NCKAP5: variants seen among roughly 807,000 people sequenced by gnomAD.
NCKAP5 encodes NCK associated protein 5.
A neutral mutation model predicts 167.0 loss-of-function variants in NCKAP5; 92 were observed. That is an observed-to-expected ratio of 0.55 (90% CI 0.47 to 0.66). The LOEUF (loss-of-function observed/expected upper bound fraction) is 0.66, where lower values mean the gene tolerates loss of function less well. NCKAP5 is among the 30% of genes least tolerant of loss of function. NCKAP5 has a pLI of 0.00. For missense variants in NCKAP5, 2,378 were observed against 2,315.0 expected, an observed-to-expected ratio of 1.03 and a Z score of -0.56; for synonymous variants, 891 against 877.4, an observed-to-expected ratio of 1.02 and a Z score of -0.27.
chr2:133,015,492 C>T (rs111593538), intron 6 of NCKAP5, among the ~76,000 whole-genome samples: 73 of 152,260 alleles, frequency 4.8e-4, no homozygotes, highest in African/African-American at 1.6e-3. Flanking sequence ...CTTGATCACA[C>T]GGCTCTGATC....
intron 11 of NCKAP5, among the ~76,000 whole-genome samples, chr2:132,839,951 T>C (rs561122138): frequency 6.6e-6 from 1 of 152,256 alleles, no homozygotes; most frequent in East Asian, 1.9e-4. Flanking sequence ...ATATTTACAG[T>C]AGCGTACTGT....
intron 8 of NCKAP5, among the ~76,000 whole-genome samples, chr2:132,900,887 G>C (rs1014283705): frequency 6.7e-6 from 1 of 149,788 alleles, no homozygotes; most frequent in Admixed American, 6.7e-5. Context: ...GTGAACCCAG[G>C]AGGTGGAGGT....
At chr2:132,828,091 A>G (rs182169189) in intron 11 of NCKAP5, among the ~76,000 whole-genome samples, 151 of 152,314 alleles carry the variant, frequency 9.9e-4, no homozygotes, top group African/African-American at 3.4e-3. Context: ...AAATGGAGAC[A>G]CTTCAGGTAA....
intron 4 of NCKAP5, among the ~76,000 whole-genome samples, chr2:133,261,454 A>T (rs1183095533): frequency 6.6e-6 from 1 of 152,216 alleles, no homozygotes; most frequent in East Asian, 1.9e-4. Flanking sequence ...TGTCTTTGAA[A>T]AGGTCCAAAG....
chr2:132,943,593 T>C (rs565529937), intron 8 of NCKAP5, among the ~76,000 whole-genome samples: 22 of 152,306 alleles, frequency 1.4e-4, no homozygotes, highest in Non-Finnish European at 2.2e-4. Context: ...CACTTGGCTG[T>C]AAAAATGATG....
At chr2:133,631,753 T>C in the NCKAP5 span, among the ~76,000 whole-genome samples, 14,213 of 152,264 alleles carry the variant, frequency 0.093, 763 homozygotes, top group African/African-American at 0.12. Context: ...GACCCCTGCA[T>C]TGGGGTCTTC....
In NCKAP5 at chr2:132,894,374, T is replaced by C. The variant is rs190478487; in HGVS notation, c.580-15458A>G. Reference sequence around the variant, plus strand: ...CGATAAGGTCTTTAATAGAAATGGGTAACAAAGTGAGATAAAGTGCCATGG... The same window carrying C: ...CGATAAGGTCTTTAATAGAAATGGGCAACAAAGTGAGATAAAGTGCCATGG... On this transcript the variant is annotated intron_variant, in intron 8 of 19. Coordinates refer to ENST00000409261, the MANE Select transcript of NCKAP5 (RefSeq NM_207363.3). 4.2e-3 allele frequency among the ~76,000 whole-genome samples: 640 copies of C among 152,320 alleles called. 4 individuals carry two copies. The highest frequency in any genetic ancestry group is 7.1e-3 in the Non-Finnish European group (486 of 68,016).
At chr2:133,253,756 A>G (rs1373860111) in intron 4 of NCKAP5, among the ~76,000 whole-genome samples, 2 of 152,236 alleles carry the variant, frequency 1.3e-5, no homozygotes, top group Non-Finnish European at 2.9e-5. Context: ...TAGTGAGAAA[A>G]AAAGGGAAAA....
the NCKAP5 span, among the ~76,000 whole-genome samples, chr2:133,590,918 T>C: frequency 2.2e-5 from 2 of 90,326 alleles, no homozygotes; most frequent in Admixed American, 1.2e-4. Flanking sequence ...TGTGTGTGCA[T>C]GTGTGTGTGA....
chr2:133,409,781 C>G (rs1226390354), intron 3 of NCKAP5, among the ~76,000 whole-genome samples: 1 of 152,148 alleles, frequency 6.6e-6, no homozygotes, highest in African/African-American at 2.4e-5. Flanking sequence ...AAATGCTTTC[C>G]CATGGGATCT....
At chr2:132,674,936 C>T (rs1200468634) in intron 19 of NCKAP5, among the ~76,000 whole-genome samples, 2 of 152,160 alleles carry the variant, frequency 1.3e-5, no homozygotes, top group Non-Finnish European at 2.9e-5. Flanking sequence ...AGAAAAGTGG[C>T]TCCATAATTA....
At chr2:133,357,650 A>G (rs1028788205) in intron 3 of NCKAP5, among the ~76,000 whole-genome samples, 3 of 152,178 alleles carry the variant, frequency 2.0e-5, no homozygotes, top group Non-Finnish European at 2.9e-5. Context: ...GGTCACTAGA[A>G]AGGTTTCTGC....
At chr2:133,440,218 A>C (rs1225445991) in intron 3 of NCKAP5, among the ~76,000 whole-genome samples, 2 of 152,148 alleles carry the variant, frequency 1.3e-5, no homozygotes, top group East Asian at 3.9e-4. Flanking sequence ...TTGGAAGATA[A>C]ATCTGAAATT....
Position 132,792,011 on chromosome 2 carries a change from T to A in NCKAP5, c.910-1806A>T, listed in dbSNP as rs190389569. On this transcript the variant is annotated intron_variant, in intron 12 of 19. Coordinates refer to ENST00000409261, the MANE Select transcript of NCKAP5 (RefSeq NM_207363.3). ...TGGAGTGAGAAGGAATTGCTGCTTC[T>A]CCCTTGGCCTTGAACTTGAGATGCT... Among the ~76,000 whole-genome samples, 338 of 151,778 alleles carry A rather than the reference T, an allele frequency of 2.2e-3. 1 individual carries two copies. The highest frequency in any genetic ancestry group is 0.01 in the Middle Eastern group (3 of 294).
At chr2:132,937,712 T>C (rs1369687703) in intron 8 of NCKAP5, among the ~76,000 whole-genome samples, 1 of 152,200 alleles carries the variant, frequency 6.6e-6, no homozygotes, top group African/African-American at 2.4e-5. Flanking sequence ...TAAGAACTTT[T>C]GCAAAAATCA....
chr2:132,747,487 TG>T (rs1679749825), intron 16 of NCKAP5, among the ~76,000 whole-genome samples: 1 of 122,280 alleles, frequency 8.2e-6, no homozygotes, highest in African/African-American at 3.1e-5. Flanking sequence ...AGAAGTGAAA[TG>T]GTCACTTGAA....
intron 6 of NCKAP5, among the ~76,000 whole-genome samples, chr2:133,096,489 AAAATAAATAAATAAATAAAT>A (rs3051199): frequency 2.0e-4 from 29 of 146,814 alleles, no homozygotes; most frequent in African/African-American, 3.3e-4. Flanking sequence ...CTCTGTCTCA[AAAATAAATAAATAAATAAAT>A]AAATAAATAA....
chr2:133,388,803 G>A (rs1156594095), intron 3 of NCKAP5, among the ~76,000 whole-genome samples: 1 of 152,202 alleles, frequency 6.6e-6, no homozygotes, highest in East Asian at 1.9e-4. Context: ...CTAGCAATGA[G>A]CAAGGCTGCG....
chr2:133,404,506 T>G (rs973527455), intron 3 of NCKAP5, among the ~76,000 whole-genome samples: 2 of 152,174 alleles, frequency 1.3e-5, no homozygotes, highest in African/African-American at 2.4e-5. Flanking sequence ...AATAGAACAA[T>G]TATAACAATC....
Sources: allele counts gnomAD v4.1 joint callset (sites outside exome capture counted in the v4.1 genomes callset), GRCh38; gene constraint gnomAD v4.1.1; transcripts MANE v1.5; gene names NCBI Gene and HGNC (gene_info 2026-07-23, HGNC 2026-07-21).